Variants in PDE1A observed in about 807,000 individuals in gnomAD.
The protein encoded by PDE1A is dual specificity calcium/calmodulin-dependent 3',5'-cyclic nucleotide phosphodiesterase 1A.
A neutral mutation model predicts 61.7 loss-of-function variants in PDE1A; 35 were observed. That is an observed-to-expected ratio of 0.57 (90% confidence interval 0.43 to 0.75). The LOEUF (loss-of-function observed/expected upper bound fraction) is 0.75, where lower values mean the gene tolerates loss of function less well. Among genes scored for constraint, PDE1A ranks in the 30% least tolerant of loss-of-function variants. The pLI is 0.00. For synonymous variants in PDE1A, 232 were observed against 213.2 expected, an observed-to-expected ratio of 1.09 and a Z score of -0.77; for missense variants, 597 against 630.6, an observed-to-expected ratio of 0.95 and a Z score of 0.57.
intron 2 of PDE1A, among the ~76,000 whole-genome samples, chr2:182,488,459 A>T (rs1022392268): frequency 6.6e-6 from 1 of 152,202 alleles, no homozygotes; most frequent in African/African-American, 2.4e-5. Context: ...ATATAATAAA[A>T]GTTCAGATAT....
the PDE1A span, among the ~76,000 whole-genome samples, chr2:182,565,760 A>T: frequency 6.6e-6 from 1 of 152,138 alleles, no homozygotes; most frequent in African/African-American, 2.4e-5. Context: ...CTGAAACATG[A>T]AACAATCCAC....
intron 1 of PDE1A, among the ~76,000 whole-genome samples, chr2:182,395,678 C>T (rs377228202): frequency 1.3e-5 from 2 of 152,308 alleles, no homozygotes; most frequent in South Asian, 4.1e-4. Flanking sequence ...AGCTGCTCTG[C>T]CACTTGGGCC....
intron 2 of PDE1A, among the ~76,000 whole-genome samples, chr2:182,489,956 C>G (rs1594306): frequency 0.83 from 126,534 of 151,932 alleles, 52,867 homozygotes; most frequent in East Asian, 0.99. Context: ...TCTGAGAATT[C>G]AGCACTGGGA....
chr2:182,688,587 A>C, the PDE1A span, among the ~76,000 whole-genome samples: 1 of 152,218 alleles, frequency 6.6e-6, no homozygotes, highest in Admixed American at 6.5e-5. Flanking sequence ...CCAAATTGTA[A>C]AGACCATCAA....
intron 1 of PDE1A, among the ~76,000 whole-genome samples, chr2:182,284,077 C>A (rs1030605993): frequency 3.3e-5 from 5 of 152,010 alleles, no homozygotes; most frequent in African/African-American, 9.7e-5. Context: ...CAGCCCTTAC[C>A]TGGCCTATTG....
In PDE1A at chr2:182,319,246, A is replaced by G. The variant is rs112788231; in HGVS notation, c.54-54832T>C. On this transcript the variant is annotated intron_variant, in intron 1 of 13. Coordinates refer to ENST00000351439, the Ensembl canonical transcript of PDE1A. ...AGAAAAACTAAAAACATATCTTTAC[A>G]TAACCTAAACATGTTCTGTCAGGTC... Among the ~76,000 whole-genome samples, 1,290 of 152,302 alleles carry G rather than the reference A, an allele frequency of 8.5e-3. 22 individuals carry two copies. Among genetic ancestry groups the G allele is most frequent in the South Asian group, 0.069 (334 of 4,824 alleles).
the PDE1A span, among the ~76,000 whole-genome samples, chr2:182,587,980 T>C: frequency 3.9e-5 from 6 of 152,076 alleles, no homozygotes; most frequent in African/African-American, 1.4e-4. Context: ...GCTCAACATA[T>C]TGGGAGAATG....
chr2:182,523,392 G>C (rs967773336), upstream of PDE1A, among the ~76,000 whole-genome samples: 3 of 152,056 alleles, frequency 2.0e-5, no homozygotes, highest in African/African-American at 7.2e-5. Flanking sequence ...GACATAAAAG[G>C]AATCAGAACT....
chr2:182,626,744 T>TGC, the PDE1A span, among the ~76,000 whole-genome samples: 1 of 45,358 alleles, frequency 2.2e-5, no homozygotes, highest in Non-Finnish European at 3.9e-5. Context: ...TATACATATA[T>TGC]ATACATATAT....
intron 1 of PDE1A, among the ~76,000 whole-genome samples, chr2:182,266,085 A>C (rs967839015): frequency 6.6e-6 from 1 of 152,180 alleles, no homozygotes; most frequent in Non-Finnish European, 1.5e-5. Context: ...CTAAATGAAA[A>C]CGTCTTACTC....
chr2:182,431,121 T>TAAAAAA (rs538631665), upstream of PDE1A, among the ~76,000 whole-genome samples: 2 of 121,518 alleles, frequency 1.6e-5, no homozygotes, highest in Non-Finnish European at 3.4e-5. Context: ...AAAAAAACAT[T>TAAAAAA]AAAAAAAAAA....
At chr2:182,453,547 C>A (rs1452301175) in intron 2 of PDE1A, among the ~76,000 whole-genome samples, 3 of 152,034 alleles carry the variant, frequency 2.0e-5, no homozygotes, top group Non-Finnish European at 2.9e-5. Context: ...AATCCAGCAG[C>A]ACATCAAAAA....
intron 13 of PDE1A, among the ~76,000 whole-genome samples, chr2:182,180,532 T>C (rs1684668982): frequency 6.6e-6 from 1 of 152,166 alleles, no homozygotes; most frequent in Admixed American, 6.5e-5. Flanking sequence ...TTCCTTTGTT[T>C]CAACCTTGGA....
At chr2:182,549,105 T>A in the PDE1A span, among the ~76,000 whole-genome samples, 3 of 152,060 alleles carry the variant, frequency 2.0e-5, no homozygotes, top group African/African-American at 7.2e-5. Context: ...AAGTTTTGAA[T>A]CCCTCAATCA....
chr2:182,566,535 T>A, the PDE1A span, among the ~76,000 whole-genome samples: 2 of 151,404 alleles, frequency 1.3e-5, no homozygotes, highest in Non-Finnish European at 2.9e-5. Context: ...ATACATCCTA[T>A]GAAACAGGAA....
chr2:182,320,111 A>C (rs1696606120), intron 1 of PDE1A, among the ~76,000 whole-genome samples: 1 of 152,180 alleles, frequency 6.6e-6, no homozygotes, highest in South Asian at 2.1e-4. Flanking sequence ...AGACTGGACA[A>C]ATACAATAAC....
chr2:182,535,138 A>T, the PDE1A span, among the ~76,000 whole-genome samples: 1 of 152,040 alleles, frequency 6.6e-6, no homozygotes, highest in Non-Finnish European at 1.5e-5. Context: ...TTGCCCCATC[A>T]GTCTATTTTT....
At chr2:182,229,545 C>T (rs1272890535) in intron 6 of PDE1A, among the ~76,000 whole-genome samples, 1 of 152,030 alleles carries the variant, frequency 6.6e-6, no homozygotes, top group Non-Finnish European at 1.5e-5. Context: ...GGAAATTTTG[C>T]AAAAATTGAC....
intron 6 of PDE1A, among the ~76,000 whole-genome samples, chr2:182,224,841 G>C (rs1689011498): frequency 6.6e-6 from 1 of 151,846 alleles, no homozygotes; most frequent in Non-Finnish European, 1.5e-5. Flanking sequence ...TTACCATACA[G>C]AACAGCACAG....
Sources: allele counts gnomAD v4.1 joint callset (sites outside exome capture counted in the v4.1 genomes callset), GRCh38; gene constraint gnomAD v4.1.1; transcripts MANE v1.5; gene names NCBI Gene and HGNC (gene_info 2026-07-23, HGNC 2026-07-21).